The following FGF12 variants were observed in gnomAD, a reference collection of about 807,000 sequenced individuals.
FGF12 encodes the protein fibroblast growth factor 12.
Under a neutral mutation model 23.6 loss-of-function variants are expected in FGF12, and 14 were observed. The ratio of observed to expected loss-of-function variants is 0.59; its 90% confidence interval spans 0.39 to 0.93. The LOEUF is 0.93. FGF12 is among the 40% of genes least tolerant of loss of function. The pLI is 0.00. For missense variants in FGF12, 175 were observed against 217.8 expected (o/e 0.80, Z 1.24); for synonymous variants, 62 against 77.3 (o/e 0.80, Z 1.04).
intron 2 of FGF12, among the ~76,000 whole-genome samples, chr3:192,617,572 G>C (rs1714808431): frequency 6.6e-6 from 1 of 152,086 alleles, no homozygotes; most frequent in East Asian, 1.9e-4. Context: ...GCATCATAAG[G>C]CACTATTTAG....
At chr3:192,161,505 T>TACAC (rs10543146) in intron 5 of FGF12, among the ~76,000 whole-genome samples, 15,795 of 149,576 alleles carry the variant, frequency 0.11, 885 homozygotes, top group South Asian at 0.16. Flanking sequence ...AACGCCTATT[T>TACAC]ACACACACAC....
chr3:192,595,649 C>A (rs1875729), intron 2 of FGF12, among the ~76,000 whole-genome samples: 23,541 of 152,146 alleles, frequency 0.15, 1,854 homozygotes, highest in Middle Eastern at 0.19. Flanking sequence ...TCAGATGATG[C>A]TGATGTTGCT....
intron 2 of FGF12, among the ~76,000 whole-genome samples, chr3:192,361,169 C>CATAA (rs1718708424): frequency 1.0e-5 from 1 of 98,772 alleles, no homozygotes; most frequent in Non-Finnish European, 1.8e-5. Flanking sequence ...TTCTCCAGTA[C>CATAA]AAAAAAAAAA....
intron 2 of FGF12, among the ~76,000 whole-genome samples, chr3:192,726,020 C>T (rs1719202630): frequency 6.6e-6 from 1 of 152,138 alleles, no homozygotes. Context: ...TCTTTTTATA[C>T]TATAAATGCT....
chr3:192,656,521 T>A (rs1716434108), intron 2 of FGF12, among the ~76,000 whole-genome samples: 1 of 152,084 alleles, frequency 6.6e-6, no homozygotes, highest in Non-Finnish European at 1.5e-5. Flanking sequence ...TGCCTATATC[T>A]CTGATTGTTA....
At chr3:192,274,360 A>G (rs1224877001) in intron 4 of FGF12, among the ~76,000 whole-genome samples, 1 of 152,224 alleles carries the variant, frequency 6.6e-6, no homozygotes, top group African/African-American at 2.4e-5. Flanking sequence ...AGTAAGCCAT[A>G]CCAAAAATAA....
chr3:192,259,701 C>G (rs1028965084), intron 4 of FGF12, among the ~76,000 whole-genome samples: 3 of 152,076 alleles, frequency 2.0e-5, no homozygotes, highest in Admixed American at 1.3e-4. Context: ...AAGAAACAAT[C>G]AGAAATTCCC....
intron 2 of FGF12, among the ~76,000 whole-genome samples, chr3:192,646,416 A>G (rs1716008726): frequency 6.6e-6 from 1 of 152,114 alleles, no homozygotes; most frequent in African/African-American, 2.4e-5. Flanking sequence ...TCCACCAGAA[A>G]TGTTCTCTTC....
intron 2 of FGF12, among the ~76,000 whole-genome samples, chr3:192,405,658 G>A (rs896604673): frequency 1.1e-4 from 15 of 133,318 alleles, no homozygotes; most frequent in African/African-American, 2.3e-4. Flanking sequence ...AAACAGATTC[G>A]AATAGTTTTT....
intron 4 of FGF12, among the ~76,000 whole-genome samples, chr3:192,301,660 A>G (rs1715355548): frequency 6.6e-6 from 1 of 152,158 alleles, no homozygotes; most frequent in African/African-American, 2.4e-5. Context: ...GATGAGCACA[A>G]ATTGGCCAGG....
chr3:192,234,311 G>T (rs530398264), intron 4 of FGF12, among the ~76,000 whole-genome samples: 1 of 152,012 alleles, frequency 6.6e-6, no homozygotes, highest in African/African-American at 2.4e-5. Context: ...TCCTTTTGTG[G>T]CTATTGTGAA....
intron 2 of FGF12, among the ~76,000 whole-genome samples, chr3:192,635,963 A>G (rs935193032): frequency 5.3e-5 from 8 of 152,190 alleles, no homozygotes; most frequent in African/African-American, 9.7e-5. Context: ...CACCTCAAAG[A>G]TAGAAATCAG....
At chr3:192,719,370 T>G (rs903370177) in intron 2 of FGF12, among the ~76,000 whole-genome samples, 2 of 152,192 alleles carry the variant, frequency 1.3e-5, no homozygotes, top group Non-Finnish European at 1.5e-5. Flanking sequence ...GTCTCCTTCA[T>G]GTTTACGTTA....
At chr3:192,377,672 G>A (rs936813958) in intron 2 of FGF12, among the ~76,000 whole-genome samples, 3 of 152,106 alleles carry the variant, frequency 2.0e-5, no homozygotes, top group African/African-American at 4.8e-5. Flanking sequence ...ACTGAGTCAC[G>A]AACACATCTG....
intron 2 of FGF12, among the ~76,000 whole-genome samples, chr3:192,570,700 A>G (rs910555685): frequency 2.0e-5 from 3 of 152,104 alleles, no homozygotes; most frequent in African/African-American, 4.8e-5. Flanking sequence ...AAACTTCACA[A>G]TCCTGGAAAT....
chr3:192,150,097 G>C (rs1367860872), intron 5 of FGF12, among the ~76,000 whole-genome samples: 1 of 65,368 alleles, frequency 1.5e-5, no homozygotes, highest in Non-Finnish European at 3.2e-5. Context: ...GTGTTTTTTG[G>C]CTGCATAAAT....
At chr3:192,314,571 T>C (rs1235266977) in intron 4 of FGF12, among the ~76,000 whole-genome samples, 1 of 152,118 alleles carries the variant, frequency 6.6e-6, no homozygotes, top group African/African-American at 2.4e-5. Flanking sequence ...AATGGGCCCG[T>C]TGAGTCAATC....
At chr3:192,158,920 T>C (rs1714709844) in intron 5 of FGF12, among the ~76,000 whole-genome samples, 2 of 152,030 alleles carry the variant, frequency 1.3e-5, no homozygotes, top group South Asian at 2.1e-4. Flanking sequence ...TAGAGCGCCA[T>C]GGTGCACTCA....
At chr3:192,575,852 T>C (rs1438358608) in intron 2 of FGF12, among the ~76,000 whole-genome samples, 1 of 152,218 alleles carries the variant, frequency 6.6e-6, no homozygotes, top group African/African-American at 2.4e-5. Context: ...TGCCACTTTA[T>C]GAATAGTTAA....
Sources: gnomAD v4.1 joint callset for allele counts (sites outside exome capture counted in the v4.1 genomes callset) on GRCh38, gnomAD v4.1.1 for gene constraint, MANE v1.5 for transcripts, NCBI Gene and HGNC (gene_info 2026-07-23, HGNC 2026-07-21) for gene names.